SHANK2: variants seen among roughly 807,000 people sequenced by gnomAD.
SHANK2 encodes SH3 and multiple ankyrin repeat domains 2, also known as SH3 and multiple ankyrin repeat domains protein 2.
In SHANK2, 43 loss-of-function variants were observed where a neutral mutation model predicts 133.7. That is an observed-to-expected ratio of 0.32 (90% CI 0.25 to 0.41). The LOEUF (loss-of-function observed/expected upper bound fraction) is 0.41, where lower values mean the gene tolerates loss of function less well. Among genes scored for constraint, SHANK2 ranks in the 10% least tolerant of loss-of-function variants. SHANK2 has a pLI of 1.00. For missense variants in SHANK2, 1,994 were observed against 2,235.8 expected (o/e 0.89, Z 2.18); for synonymous variants, 1,017 against 952.8 (o/e 1.07, Z -1.24).
intron 11 of SHANK2, among the ~76,000 whole-genome samples, chr11:70,888,203 G>A (rs183901036): frequency 6.6e-6 from 1 of 151,554 alleles, no homozygotes; most frequent in African/African-American, 2.4e-5. Context: ...CTGAGGTTAT[G>A]GAGGATATGG....
intron 14 of SHANK2, among the ~76,000 whole-genome samples, chr11:70,769,014 C>A (rs570723257): frequency 7.6e-4 from 116 of 152,286 alleles, no homozygotes; most frequent in African/African-American, 2.6e-3. Context: ...CATCTTGGGT[C>A]TGCCTTGTCG....
At position 70,599,915 on chromosome 11, in the gene SHANK2, G is replaced by T. The variant is rs200286649; in HGVS notation, c.2061+59913C>A. The stretch of plus-strand genomic sequence containing the variant: ...AAAGAAAGAAAGAAAGAGAAAGAAA[G>T]AAAGAAAGAAAGAAAGAAAGAAAGA... On this transcript the variant is annotated intron_variant, in intron 17 of 25. Transcript: ENST00000601538. 4.6e-4 allele frequency among the ~76,000 whole-genome samples: 19 copies of T among 41,230 alleles called. 1 individual carries two copies. Among genetic ancestry groups the T allele is most frequent in the South Asian group, 2.6e-3 (2 of 768 alleles). 27.0% of individuals were successfully genotyped at this position (41,230 alleles called of 152,430 possible).
At chr11:71,061,273 T>C (rs890899256) in intron 9 of SHANK2, among the ~76,000 whole-genome samples, 43 of 152,266 alleles carry the variant, frequency 2.8e-4, no homozygotes, top group Non-Finnish European at 5.4e-4. Flanking sequence ...CTGAGGTATT[T>C]ACTCTCTGGG....
At chr11:71,144,550 G>T (rs1293214089) in intron 3 of SHANK2, among the ~76,000 whole-genome samples, 1 of 151,800 alleles carries the variant, frequency 6.6e-6, no homozygotes, top group Non-Finnish European at 1.5e-5. Flanking sequence ...TGAGAAGAGA[G>T]AAAAAAAATA....
At chr11:71,106,027 T>A (rs73521155) in intron 6 of SHANK2, among the ~76,000 whole-genome samples, 4,572 of 152,306 alleles carry the variant, frequency 0.03, 231 homozygotes, top group African/African-American at 0.1. Flanking sequence ...GTTCACTGAT[T>A]GTAACAGATG....
intron 14 of SHANK2, among the ~76,000 whole-genome samples, chr11:70,778,622 C>A (rs974581952): frequency 6.6e-6 from 1 of 152,164 alleles, no homozygotes; most frequent in Non-Finnish European, 1.5e-5. Flanking sequence ...GAGGACACAG[C>A]GAGAAGGCGG....
intron 11 of SHANK2, among the ~76,000 whole-genome samples, chr11:70,890,913 A>G (rs7394863): frequency 0.91 from 137,964 of 151,720 alleles, 63,532 homozygotes; most frequent in Non-Finnish European, 0.98. Flanking sequence ...GCAATGAGCC[A>G]AGATCGTGCC....
At chr11:70,683,224 CA>C (rs1370436883) in intron 15 of SHANK2, among the ~76,000 whole-genome samples, 13 of 152,244 alleles carry the variant, frequency 8.5e-5, no homozygotes, top group African/African-American at 2.9e-4. Context: ...GCAATCCTCC[CA>C]CCTTGGCCTC....
intron 3 of SHANK2, among the ~76,000 whole-genome samples, chr11:71,124,463 G>T (rs776936210): frequency 6.6e-6 from 1 of 151,572 alleles, no homozygotes; most frequent in Non-Finnish European, 1.5e-5. Context: ...ATCCTAATAA[G>T]CCAGAAATTA....
chr11:70,629,386 T>C (rs2060949252), intron 17 of SHANK2, among the ~76,000 whole-genome samples: 1 of 151,712 alleles, frequency 6.6e-6, no homozygotes, highest in Admixed American at 6.5e-5. Context: ...TGCTTGGTGA[T>C]GAGGACACAG....
chr11:70,952,788 C>T (rs1555086966), intron 10 of SHANK2: 1 of 255,390 alleles, frequency 3.9e-6, no homozygotes, highest in Non-Finnish European at 8.2e-6. Flanking sequence ...GGAACTGACA[C>T]CCACCTATGG....
intron 11 of SHANK2, among the ~76,000 whole-genome samples, chr11:70,871,532 G>A (rs1949463812): frequency 6.6e-6 from 1 of 152,232 alleles, no homozygotes; most frequent in African/African-American, 2.4e-5. Flanking sequence ...AGCCCCTGGA[G>A]GGAGAGGCTG....
chr11:71,113,437 C>A, intron 4 of SHANK2, 73 bp from the exon 5 acceptor site: 1 of 1,377,988 alleles, frequency 7.3e-7, no homozygotes, highest in East Asian at 2.5e-5. Context: ...GAAAACGGGC[C>A]TTTTCCTTGG....
In SHANK2 at chr11:71,198,207, C is replaced by T. The variant is rs531135718; in HGVS notation, c.-13+26490G>A. On this transcript the variant is annotated intron_variant, in intron 2 of 25. Transcript: ENST00000601538. ...CAAGAGATCCTCTCGCCTCAGCATT[C>T]CAAAGTGCTGGGACTGCAGACATGA... 2.6e-5 allele frequency among the ~76,000 whole-genome samples: 4 copies of T among 152,256 alleles called. No individual in the cohort carries two copies. In the South Asian group the frequency reaches 8.3e-4, roughly 32 times the overall value.
At chr11:71,081,001 C>T (rs1370401364) in intron 8 of SHANK2, among the ~76,000 whole-genome samples, 4 of 152,190 alleles carry the variant, frequency 2.6e-5, no homozygotes, top group African/African-American at 9.7e-5. Flanking sequence ...GTTGGAGTCC[C>T]CACCCCCAGT....
chr11:70,524,338 CCA>C (rs1565096465), intron 17 of SHANK2, among the ~76,000 whole-genome samples: 1 of 152,216 alleles, frequency 6.6e-6, no homozygotes, highest in Non-Finnish European at 1.5e-5. Context: ...GCACAGAGTC[CCA>C]GGGAGCCTGG....
At chr11:70,826,999 A>T (rs535740709) in intron 11 of SHANK2, among the ~76,000 whole-genome samples, 55 of 152,026 alleles carry the variant, frequency 3.6e-4, no homozygotes, top group Middle Eastern at 3.4e-3. Flanking sequence ...TTTAAAAAAA[A>T]ATTTTTTTAA....
chr11:70,902,968 C>T (rs374163925), intron 10 of SHANK2, among the ~76,000 whole-genome samples: 1 of 152,152 alleles, frequency 6.6e-6, no homozygotes, highest in Admixed American at 6.5e-5. Flanking sequence ...GGAGACAGCA[C>T]GGCCCCCCTC....
Position 71,092,568 on chromosome 11 carries a change from A to G in SHANK2, c.766T>C (p.Ser256Pro). The G allele has an allele frequency of 6.4e-7, 1 of 1,551,872 alleles. No homozygotes were observed. Among genetic ancestry groups the G allele is most frequent in the African/African-American group, 1.4e-5 (1 of 73,092 alleles). Residue 256 changes from serine (S) to proline (P), a missense_variant, in exon 8 of 26, where the codon TCC (serine) becomes CCC (proline). Ser to Pro is a moderately conservative substitution (Grantham distance 74). Coordinates refer to ENST00000601538, the MANE Select transcript of SHANK2 (RefSeq NM_012309.5). ...ALKTLLELGA[S>P]PDYKDSYGLT... is the part of the protein sequence containing the mutation. The stretch of plus-strand genomic sequence containing the variant: ...CCGTAACTGTCTTTATAATCTGGGG[A>G]TGCACCAAGCTCTAAAAGGGTCTAG...
Sources: allele counts gnomAD v4.1 joint callset (sites outside exome capture counted in the v4.1 genomes callset), GRCh38; gene constraint gnomAD v4.1.1; transcripts MANE v1.5; gene names NCBI Gene and HGNC (gene_info 2026-07-23, HGNC 2026-07-21).